The following DRC8 variants were observed in gnomAD, a reference collection of about 807,000 sequenced individuals.
DRC8 encodes the protein dynein regulatory complex protein 8.
At chr1:244,981,932 G>A in the DRC8 span, among the ~76,000 whole-genome samples, 1 of 152,170 alleles carries the variant, frequency 6.6e-6, no homozygotes, top group Non-Finnish European at 1.5e-5. Flanking sequence ...AAAAACACTT[G>A]TGAAGGTCAC....
At chr1:244,983,967 T>G in the DRC8 span, among the ~76,000 whole-genome samples, 3 of 152,126 alleles carry the variant, frequency 2.0e-5, no homozygotes, top group South Asian at 4.1e-4. Flanking sequence ...TTCTTTTTTT[T>G]CTGGAGAGAC....
the DRC8 span, among the ~76,000 whole-genome samples, chr1:245,027,947 A>G: frequency 1.3e-5 from 2 of 151,252 alleles, no homozygotes; most frequent in East Asian, 3.9e-4. Flanking sequence ...GCAGGAATGC[A>G]GTGGTGCCAT....
chr1:245,063,266 A>G, the DRC8 span, among the ~76,000 whole-genome samples: 3 of 152,010 alleles, frequency 2.0e-5, no homozygotes, highest in African/African-American at 7.3e-5. Flanking sequence ...AGGGTGCCCC[A>G]TCTCCTAGGG....
chr1:245,099,096 C>A, the DRC8 span, among the ~76,000 whole-genome samples: 1 of 152,112 alleles, frequency 6.6e-6, no homozygotes, highest in African/African-American at 2.4e-5. Flanking sequence ...TAAGAGGAGG[C>A]CTGGGGGTTT....
At chr1:245,029,430 T>C in the DRC8 span, among the ~76,000 whole-genome samples, 1 of 152,262 alleles carries the variant, frequency 6.6e-6, no homozygotes, top group Non-Finnish European at 1.5e-5. Flanking sequence ...CCCAAGTAGC[T>C]GGGATTACAG....
chr1:245,046,513 G>A, the DRC8 span, among the ~76,000 whole-genome samples: 1 of 152,172 alleles, frequency 6.6e-6, no homozygotes, highest in African/African-American at 2.4e-5. Context: ...ATCTGGACAT[G>A]TGCAGGGCTC....
At chr1:245,002,171 A>G in the DRC8 span, 2 of 1,610,486 alleles carry the variant, frequency 1.2e-6, no homozygotes, top group Non-Finnish European at 1.7e-6. Context: ...TACTGATCGA[A>G]CATCTAATGG....
the DRC8 span, among the ~76,000 whole-genome samples, chr1:245,114,952 G>C: frequency 1.3e-5 from 2 of 152,130 alleles, no homozygotes; most frequent in Non-Finnish European, 1.5e-5. Context: ...TCTCGATCTC[G>C]TGACCTTGTG....
chr1:245,060,338 A>G, the DRC8 span, among the ~76,000 whole-genome samples: 3 of 152,218 alleles, frequency 2.0e-5, no homozygotes, highest in East Asian at 5.8e-4. Context: ...AGAAGGTACA[A>G]GAATGCATGT....
At chr1:245,109,137 C>G in the DRC8 span, among the ~76,000 whole-genome samples, 4 of 152,164 alleles carry the variant, frequency 2.6e-5, no homozygotes, top group South Asian at 4.1e-4. Flanking sequence ...AGAATACATG[C>G]CTCAGAGATA....
At chr1:245,116,067 T>C in the DRC8 span, among the ~76,000 whole-genome samples, 1 of 151,802 alleles carries the variant, frequency 6.6e-6, no homozygotes, top group East Asian at 1.9e-4. Context: ...TTTGTATTTT[T>C]AGTAGAGACG....
chr1:245,115,887 CTTTTT>C, the DRC8 span, among the ~76,000 whole-genome samples: 3 of 145,104 alleles, frequency 2.1e-5, no homozygotes, highest in Non-Finnish European at 1.5e-5. Flanking sequence ...GATCCTATCT[CTTTTT>C]TTTTTTTTTT....
the DRC8 span, among the ~76,000 whole-genome samples, chr1:245,054,322 G>T: frequency 1.3e-5 from 2 of 152,000 alleles, no homozygotes; most frequent in Admixed American, 1.3e-4. Flanking sequence ...GAGTAGCTGG[G>T]ACTACCGGCA....
the DRC8 span, among the ~76,000 whole-genome samples, chr1:244,976,225 C>T: frequency 2.0e-5 from 3 of 152,142 alleles, no homozygotes; most frequent in East Asian, 5.8e-4. Flanking sequence ...GCCTAGATCG[C>T]AGCATTGCAC....
the DRC8 span, chr1:245,087,216 T>C: frequency 1.3e-6 from 2 of 1,599,074 alleles, no homozygotes; most frequent in Non-Finnish European, 1.7e-6. Context: ...TGATCCTAAA[T>C]GATAAATTTT....
the DRC8 span, among the ~76,000 whole-genome samples, chr1:245,005,587 C>CCCG: frequency 1.3e-5 from 2 of 152,130 alleles, no homozygotes; most frequent in African/African-American, 4.8e-5. Flanking sequence ...GAGTGATCTG[C>CCCG]CTGCCTCGGC....
chr1:244,984,633 G>A, the DRC8 span, among the ~76,000 whole-genome samples: 22 of 152,116 alleles, frequency 1.4e-4, no homozygotes, highest in Admixed American at 1.1e-3. Flanking sequence ...TCAGGAGTTC[G>A]AGACCAGCCT....
the DRC8 span, among the ~76,000 whole-genome samples, chr1:245,054,767 C>T: frequency 6.6e-6 from 1 of 152,224 alleles, no homozygotes; most frequent in Admixed American, 6.5e-5. Context: ...GATCCTTCTC[C>T]TGCACTTCGC....
the DRC8 span, among the ~76,000 whole-genome samples, chr1:244,986,683 A>G: frequency 5.3e-5 from 8 of 151,028 alleles, no homozygotes; most frequent in Non-Finnish European, 1.2e-4. Context: ...GCAGTGAGCT[A>G]TGATCACACC....
Sources: gnomAD v4.1 joint callset for allele counts (sites outside exome capture counted in the v4.1 genomes callset) on GRCh38, gnomAD v4.1.1 for gene constraint, MANE v1.5 for transcripts, NCBI Gene and HGNC (gene_info 2026-07-23, HGNC 2026-07-21) for gene names.